Variants in UGT2B10 observed in about 807,000 individuals in gnomAD.
UGT2B10 encodes UDP-glucuronosyltransferase 2B10.
Under a neutral mutation model 43.7 loss-of-function variants are expected in UGT2B10, and 51 were observed. The observed-to-expected ratio is 1.17, with a 90% CI of 0.93 to 1.47. UGT2B10 has a LOEUF of 1.47. Among genes scored for constraint, UGT2B10 ranks in the 40% most tolerant of loss-of-function variants. The probability of loss-of-function intolerance (pLI) is 0.00; values close to 1 mark genes in which losing one functional copy is unlikely to be tolerated. For synonymous variants in UGT2B10, 225 were observed against 209.0 expected, an observed-to-expected ratio of 1.08 and a Z score of -0.66; for missense variants, 696 against 617.7, an observed-to-expected ratio of 1.13 and a Z score of -1.34.
In UGT2B10 at chr4:68,827,430, G is replaced by T; in HGVS notation, c.1189G>T (p.Asp397Tyr). Residue 397 changes from aspartate (D) to tyrosine (Y), a missense_variant, in exon 5 of 6, where the codon GAT becomes TAT. Asp to Tyr is a radical substitution (Grantham distance 160). Coordinates refer to ENST00000265403, the MANE Select transcript of UGT2B10 (RefSeq NM_001075.6). ...IPMVGIPLFF[D>Y]QPDNIAHMKA... is the part of the protein sequence containing the mutation. ...TATGGTGGGCATTCCATTGTTTTTT[G>T]ATCAACCTGATAATATTGCTCACAT... 1 of 1,613,456 alleles carries T rather than the reference G, an allele frequency of 6.2e-7. No individual in the cohort carries two copies. The highest frequency in any genetic ancestry group is 8.5e-7 in the Non-Finnish European group (1 of 1,179,616).
chr4:68,830,385 T>C (rs1292715336), intron 5 of UGT2B10, among the ~76,000 whole-genome samples: 2 of 152,002 alleles, frequency 1.3e-5, no homozygotes, highest in African/African-American at 2.4e-5. Flanking sequence ...CTCACCTGAC[T>C]TTCCTTTTCT....
At chr4:68,816,820 G>A in intron 1 of UGT2B10, 83 bp downstream of exon 1, 1 of 1,156,534 alleles carries the variant, frequency 8.6e-7, no homozygotes, top group South Asian at 1.7e-5. Context: ...CATAAAGTCA[G>A]GGAAGTGGAG....
chr4:68,830,569 C>A, intron 5 of UGT2B10, 31 bp from the exon 6 acceptor site: 1 of 1,576,826 alleles, frequency 6.3e-7, no homozygotes, highest in Non-Finnish European at 8.6e-7. Context: ...AACTTACTTT[C>A]AGTGTCGGTA....
intron 3 of UGT2B10, among the ~76,000 whole-genome samples, chr4:68,823,443 G>A (rs1484690799): frequency 1.3e-5 from 2 of 152,076 alleles, no homozygotes; most frequent in Non-Finnish European, 2.9e-5. Context: ...GGAGGCGGAG[G>A]TTGCAATGAG....
intron 5 of UGT2B10, among the ~76,000 whole-genome samples, chr4:68,828,637 G>A (rs781139402): frequency 6.6e-6 from 1 of 151,776 alleles, no homozygotes; most frequent in Admixed American, 6.6e-5. Flanking sequence ...TAATGAGTAA[G>A]GACATAAAAC....
intron 3 of UGT2B10, among the ~76,000 whole-genome samples, chr4:68,825,249 C>CT (rs5859147): frequency 0.86 from 130,282 of 151,556 alleles, 56,080 homozygotes; most frequent in Non-Finnish European, 0.87. Flanking sequence ...TAAATTGTTA[C>CT]TTTTTTTATA....
At chr4:68,827,843 T>C (rs1737878906) in intron 5 of UGT2B10, among the ~76,000 whole-genome samples, 1 of 151,840 alleles carries the variant, frequency 6.6e-6, no homozygotes, top group South Asian at 2.1e-4. Context: ...GAATCCATAG[T>C]AGAAAGGAAG....
chr4:68,827,592 CT>C lies in UGT2B10; in HGVS notation c.1307+48del, dbSNP rs777425479. On this transcript the variant is annotated intron_variant, in intron 5 of 5. Transcript: ENST00000265403. ...TTCACTAGATGGTATTAATAGATAG[CT>C]TTTCTTGTCAGTAGTGAGCATGAGT... 1.1e-5 allele frequency: 17 copies of C among 1,608,266 alleles called. No individual in the cohort carries two copies. In the African/African-American group the frequency reaches 2.1e-4, roughly 20 times the overall value.
At chr4:68,819,874 AG>A (rs1214557140) in intron 2 of UGT2B10, among the ~76,000 whole-genome samples, 2 of 152,096 alleles carry the variant, frequency 1.3e-5, no homozygotes, top group African/African-American at 4.8e-5. Context: ...ATATGTAAAA[AG>A]TAAGGCTTCT....
intron 3 of UGT2B10, among the ~76,000 whole-genome samples, chr4:68,823,506 C>CA (rs1442983584): frequency 4.6e-5 from 7 of 151,812 alleles, no homozygotes; most frequent in African/African-American, 9.7e-5. Flanking sequence ...CACTCTGTCT[C>CA]AAAAAAAGTA....
rs764895973 is a variant in UGT2B10, at chr4:68,816,534, G to C, written c.515G>C (p.Ser172Thr). The C allele has an allele frequency of 6.2e-7, 1 of 1,613,048 alleles. No individual in the cohort carries two copies. Among genetic ancestry groups the C allele is most frequent in the African/African-American group, 1.3e-5 (1 of 74,870 alleles). ...AACATACCCTTTGTGTACAGTCACA[G>C]CTTCAGTCCTGGCTACTCATTTGAA... Reference protein sequence around the residue: ...LFNIPFVYSHSFSPGYSFERH... With the variant: ...LFNIPFVYSHTFSPGYSFERH... The change falls in exon 1 of 6, where the codon AGC becomes ACC. Residue 172 changes from serine to threonine, a missense_variant. Ser to Thr is a moderately conservative substitution (Grantham distance 58, BLOSUM62 1). Coordinates refer to ENST00000265403, the MANE Select transcript of UGT2B10 (RefSeq NM_001075.6).
chr4:68,822,377 C>G lies in UGT2B10; in HGVS notation c.974C>G (p.Thr325Arg). The change falls in exon 3 of 6, where the codon ACA (threonine) becomes AGA (arginine). Residue 325 changes from threonine to arginine, a missense_variant. By Grantham distance (71) the Thr-to-Arg change is moderately conservative. Coordinates refer to ENST00000265403, the MANE Select transcript of UGT2B10 (RefSeq NM_001075.6). The stretch of plus-strand genomic sequence containing the variant: ...GAAGAAAGGGCCAACGTAATTGCAA[C>G]AGCCCTTGCCAAGATCCCACAAAAG... Reference protein sequence around the residue: ...MTEERANVIATALAKIPQKVL... With the variant: ...MTEERANVIARALAKIPQKVL... 1.2e-6 allele frequency: 2 copies of G among 1,613,694 alleles called. No individual in the cohort carries two copies. The highest frequency in any genetic ancestry group is 1.7e-6 in the Non-Finnish European group (2 of 1,179,802).
chr4:68,822,390 G>A lies in UGT2B10; in HGVS notation c.987G>A (p.Lys329=), dbSNP rs1737553841. The part of the protein sequence containing the change: ...RANVIATALA[K]IPQKVLWRFD... ...ACGTAATTGCAACAGCCCTTGCCAA[G>A]ATCCCACAAAAGGTAAGATAAAGTG... The change falls in exon 3 of 6, where the codon AAG becomes AAA. Residue 329 remains lysine, a synonymous_variant. Transcript: ENST00000265403. The A allele has an allele frequency of 6.2e-7, 1 of 1,613,508 alleles. No homozygotes were observed. The highest frequency in any genetic ancestry group is 1.1e-5 in the South Asian group (1 of 91,054).
chr4:68,829,893 C>T (rs1738002838), intron 5 of UGT2B10, among the ~76,000 whole-genome samples: 1 of 151,934 alleles, frequency 6.6e-6, no homozygotes, highest in South Asian at 2.1e-4. Context: ...TAATGAGAAG[C>T]CAGGCAAAAA....
At chr4:68,829,347 G>C (rs1411376244) in intron 5 of UGT2B10, among the ~76,000 whole-genome samples, 2 of 152,018 alleles carry the variant, frequency 1.3e-5, no homozygotes, top group African/African-American at 2.4e-5. Context: ...CAGAAAAAGA[G>C]AGCTATTCTA....
chr4:68,828,238 T>C (rs1222431841), intron 5 of UGT2B10, among the ~76,000 whole-genome samples: 1 of 152,074 alleles, frequency 6.6e-6, no homozygotes, highest in East Asian at 1.9e-4. Context: ...GGGTACTGTG[T>C]AAATGACATT....
In UGT2B10 at chr4:68,816,552, C is replaced by G; in HGVS notation, c.533C>G (p.Ser178Ter). ...VYSHSFSPGYSFERHSGGFIF... is the reference protein window; with the variant it reads ...VYSHSFSPGY ...AGTCACAGCTTCAGTCCTGGCTACT[C>G]ATTTGAAAGGCACAGTGGAGGATTT... The change falls in exon 1 of 6, where the codon TCA becomes TGA. Residue 178 changes from serine to a stop codon, truncating the protein, a stop_gained. Coordinates refer to ENST00000265403, the MANE Select transcript of UGT2B10 (RefSeq NM_001075.6). LOFTEE classifies it high-confidence loss of function. 6.2e-7 allele frequency: 1 copy of G among 1,613,158 alleles called. No individual in the cohort carries two copies. Among genetic ancestry groups the G allele is most frequent in the Non-Finnish European group, 8.5e-7 (1 of 1,179,400 alleles).
In UGT2B10 at chr4:68,818,128, T is replaced by C. The variant is rs369442693; in HGVS notation, c.818T>C (p.Val273Ala). The change falls in exon 2 of 6, where the codon GTT (valine) becomes GCT (alanine). Residue 273 changes from valine to alanine, a missense_variant. Transcript: ENST00000265403. ...TTTCCTCATCCATTCTTACCAAATG[T>C]TGATTTTGTTGGAGGACTCCACTGC... is the stretch of plus-strand genomic sequence containing the variant. Reference protein sequence around the residue: ...FKFPHPFLPNVDFVGGLHCKP... With the variant: ...FKFPHPFLPNADFVGGLHCKP... The C allele has an allele frequency of 6.2e-7, 1 of 1,611,800 alleles. No homozygotes were observed. Among genetic ancestry groups the C allele is most frequent in the African/African-American group, 1.3e-5 (1 of 74,884 alleles).
intron 5 of UGT2B10, among the ~76,000 whole-genome samples, chr4:68,829,664 A>T (rs1362070191): frequency 6.6e-6 from 1 of 152,072 alleles, no homozygotes; most frequent in Non-Finnish European, 1.5e-5. Flanking sequence ...GGAGAGAAGC[A>T]TGCCTTGGGT....
Sources: gnomAD v4.1 joint callset for allele counts (sites outside exome capture counted in the v4.1 genomes callset) on GRCh38, gnomAD v4.1.1 for gene constraint, MANE v1.5 for transcripts, NCBI Gene and HGNC (gene_info 2026-07-23, HGNC 2026-07-21) for gene names.